Variants in TRIM37 observed in about 807,000 individuals in gnomAD.
TRIM37 encodes the protein tripartite motif containing 37, also known as E3 ubiquitin-protein ligase TRIM37.
TRIM37 carries 80 observed loss-of-function variants against 129.8 expected under a neutral mutation model. The observed-to-expected ratio is 0.62, with a 90% CI of 0.51 to 0.74. TRIM37 has a LOEUF of 0.74. TRIM37 is among the 30% of genes least tolerant of loss of function. The probability of loss-of-function intolerance (pLI) is 0.00; values close to 1 mark genes in which losing one functional copy is unlikely to be tolerated. For synonymous variants in TRIM37, 389 were observed against 387.1 expected, an observed-to-expected ratio of 1.00 and a Z score of -0.06; for missense variants, 1,054 against 1,176.5, an observed-to-expected ratio of 0.90 and a Z score of 1.52.
chr17:59,073,166 A>G (rs1171658121), intron 8 of TRIM37: 1 of 152,208 alleles, frequency 6.6e-6, no homozygotes, highest in Non-Finnish European at 1.5e-5. Flanking sequence ...TATTATCACT[A>G]TACATGTGTT....
At chr17:59,081,825 T>C (rs1385435569) in intron 5 of TRIM37, among the ~76,000 whole-genome samples, 1 of 151,034 alleles carries the variant, frequency 6.6e-6, no homozygotes, top group Non-Finnish European at 1.5e-5. Flanking sequence ...GAGAATTGCT[T>C]GAACCCGGGA....
intron 17 of TRIM37, among the ~76,000 whole-genome samples, chr17:59,040,186 G>T (rs879313696): frequency 2.6e-5 from 4 of 152,096 alleles, no homozygotes; most frequent in Non-Finnish European, 2.9e-5. Context: ...GATTACAGGC[G>T]TGAGTCACCA....
At chr17:59,049,029 C>T (rs1271592244) in intron 15 of TRIM37, 149 bp downstream of exon 15, 4 of 688,108 alleles carry the variant, frequency 5.8e-6, no homozygotes, top group Non-Finnish European at 1.0e-5. Flanking sequence ...GACTTATTAA[C>T]ATTTACATAA....
chr17:59,073,761 T>C (rs2042583188), intron 8 of TRIM37, among the ~76,000 whole-genome samples: 2 of 152,178 alleles, frequency 1.3e-5, no homozygotes, highest in African/African-American at 2.4e-5. Context: ...CCCATCTCAA[T>C]ACTGTTTTGT....
At chr17:59,081,355 G>T in intron 5 of TRIM37, 136 bp from the exon 6 acceptor site, 2 of 1,282,122 alleles carry the variant, frequency 1.6e-6, no homozygotes, top group East Asian at 2.5e-5. Flanking sequence ...ATTTAATTTT[G>T]TTGAAGCAGG....
the TRIM37 span, among the ~76,000 whole-genome samples, chr17:58,970,136 A>G: frequency 1.3e-5 from 2 of 152,206 alleles, no homozygotes; most frequent in African/African-American, 4.8e-5. Flanking sequence ...ACTTCCATAC[A>G]TTTGGTTCTA....
At chr17:59,071,921 G>A (rs1388695970) in intron 8 of TRIM37, among the ~76,000 whole-genome samples, 1 of 152,194 alleles carries the variant, frequency 6.6e-6, no homozygotes. Flanking sequence ...TAAGGATTAT[G>A]AAGCTATAGT....
At position 59,012,215 on chromosome 17, in the gene TRIM37, C is replaced by CAGCAGCAGCAGCAGCAG. The variant is rs1555639579; in HGVS notation, c.2695+112_2695+113insCTGCTGCTGCTGCTGCT. On this transcript the variant is annotated intron_variant, in intron 22 of 23. Coordinates refer to ENST00000262294, the MANE Select transcript of TRIM37 (RefSeq NM_015294.6). ...CCACTCCCTATCCCTATCACTACCA[C>CAGCAGCAGCAGCAGCAG]CAGCAGCAGCAGCACCACCACCACC... 15 of 567,502 alleles carry CAGCAGCAGCAGCAGCAG rather than the reference C, an allele frequency of 2.6e-5. No individual in the cohort carries two copies. The African/African-American group carries it at 2.7e-4, about 10-fold the overall frequency. The allele number at this position is 567,502 out of a possible 1,614,324, so 35.2% of individuals were successfully genotyped here.
At chr17:59,020,230 CAAAAAAAAAAAAAAA>C (rs58159558) in intron 19 of TRIM37, among the ~76,000 whole-genome samples, 6 of 32,056 alleles carry the variant, frequency 1.9e-4, no homozygotes, top group Non-Finnish European at 2.6e-4. Context: ...GACTCTGTCT[CAAAAAAAAAAAAAAA>C]AAAAAAAAAA....
intron 17 of TRIM37, among the ~76,000 whole-genome samples, chr17:59,040,146 T>C (rs1217253343): frequency 6.6e-6 from 1 of 152,070 alleles, no homozygotes; most frequent in African/African-American, 2.4e-5. Context: ...ACTCAAGCGA[T>C]GCACCCACAT....
chr17:59,001,760 A>C (rs1180955007), intron 22 of TRIM37, 46 bp from the exon 23 acceptor site: 5 of 1,608,596 alleles, frequency 3.1e-6, no homozygotes, highest in Non-Finnish European at 4.2e-6. Context: ...AAACCACTGT[A>C]AGTAAAAGGA....
At chr17:58,993,939 G>A (rs886140103), downstream of TRIM37, among the ~76,000 whole-genome samples, 3 of 152,120 alleles carry the variant, frequency 2.0e-5, no homozygotes, top group Admixed American at 2.0e-4. Context: ...AAAATGTTAT[G>A]ACACAATACT....
intron 22 of TRIM37, among the ~76,000 whole-genome samples, chr17:59,011,163 C>T (rs369205590): frequency 3.3e-5 from 5 of 151,464 alleles, no homozygotes; most frequent in South Asian, 2.1e-4. Flanking sequence ...AGCTAGACTC[C>T]GTCTCGGGGA....
At chr17:59,004,299 T>C (rs2034179876) in intron 22 of TRIM37, among the ~76,000 whole-genome samples, 1 of 151,636 alleles carries the variant, frequency 6.6e-6, no homozygotes, top group South Asian at 2.1e-4. Context: ...TATCAAAATT[T>C]GTGGGATGTG....
chr17:59,022,885 A>G (rs546578182), intron 19 of TRIM37, among the ~76,000 whole-genome samples: 22 of 152,194 alleles, frequency 1.4e-4, no homozygotes, highest in African/African-American at 4.8e-4. Flanking sequence ...TTTTTGGGTG[A>G]ACTTTCTCAA....
At chr17:59,055,180 T>C (rs1220678551) in intron 13 of TRIM37, among the ~76,000 whole-genome samples, 1 of 151,112 alleles carries the variant, frequency 6.6e-6, no homozygotes, top group East Asian at 2.0e-4. Context: ...CTACTAAAAG[T>C]ACAAAATTAG....
chr17:59,004,882 C>T (rs2034266066), intron 22 of TRIM37, among the ~76,000 whole-genome samples: 1 of 152,198 alleles, frequency 6.6e-6, no homozygotes. Flanking sequence ...AGCATTATTT[C>T]AGCCTTAAAT....
At chr17:59,023,325 G>A (rs2036836725) in intron 19 of TRIM37, among the ~76,000 whole-genome samples, 3 of 152,114 alleles carry the variant, frequency 2.0e-5, no homozygotes, top group Non-Finnish European at 1.5e-5. Flanking sequence ...TAATCTGCAC[G>A]ACTTGGCCTC....
At chr17:59,056,706 ACT>A (rs2040924972) in intron 13 of TRIM37, among the ~76,000 whole-genome samples, 167 bp downstream of exon 13, 1 of 117,062 alleles carries the variant, frequency 8.5e-6, no homozygotes, top group Non-Finnish European at 1.7e-5. Flanking sequence ...ACAGAGCGAG[ACT>A]ATGTCTCCAA....
Sources: allele counts gnomAD v4.1 joint callset (sites outside exome capture counted in the v4.1 genomes callset), GRCh38; gene constraint gnomAD v4.1.1; transcripts MANE v1.5; gene names NCBI Gene and HGNC (gene_info 2026-07-23, HGNC 2026-07-21).